The following DOCK1 variants were observed in gnomAD, a reference collection of about 807,000 sequenced individuals.
DOCK1 encodes the protein dedicator of cytokinesis 1, also known as dedicator of cytokinesis protein 1.
In DOCK1, 138 loss-of-function variants were observed where a neutral mutation model predicts 262.7. The ratio of observed to expected loss-of-function variants is 0.53; its 90% CI spans 0.46 to 0.61. DOCK1 has a LOEUF of 0.61. DOCK1 is among the 20% of genes least tolerant of loss of function. The probability of loss-of-function intolerance (pLI) is 0.00; values close to 1 mark genes in which losing one functional copy is unlikely to be tolerated. For synonymous variants in DOCK1, 866 were observed against 867.4 expected (o/e 1.00, Z 0.03); for missense variants, 1,908 against 2,370.7 (o/e 0.80, Z 4.05).
intron 31 of DOCK1, among the ~76,000 whole-genome samples, chr10:127,346,083 C>T (rs1235040386): frequency 1.3e-5 from 2 of 152,224 alleles, no homozygotes; most frequent in African/African-American, 4.8e-5. Flanking sequence ...TGTCCAGCGC[C>T]CGCTATTGGG....
chr10:127,008,493 G>A (rs7089749), intron 10 of DOCK1, among the ~76,000 whole-genome samples: 27,404 of 152,124 alleles, frequency 0.18, 2,771 homozygotes, highest in African/African-American at 0.28. Flanking sequence ...TGACAGTTGG[G>A]TAATAGGCAA....
intron 38 of DOCK1, among the ~76,000 whole-genome samples, chr10:127,395,290 C>G (rs1011274492): frequency 6.6e-6 from 1 of 152,134 alleles, no homozygotes; most frequent in Admixed American, 6.5e-5. Flanking sequence ...GGAGAGGGCC[C>G]TCTGCCTGCT....
chr10:127,299,328 T>A lies in DOCK1; in HGVS notation c.3045-39678T>A, dbSNP rs542847215. Among the ~76,000 whole-genome samples, 243 of 152,306 alleles carry A rather than the reference T, an allele frequency of 1.6e-3. 1 individual carries two copies. The highest frequency in any genetic ancestry group is 2.8e-3 in the Non-Finnish European group (191 of 68,026). On this transcript the variant is annotated intron_variant, in intron 29 of 51. Coordinates refer to ENST00000623213, the MANE Select transcript of DOCK1 (RefSeq NM_001290223.2). ...CATGTTGGCCAGGCTGGTATTGAAC[T>A]CCTGACCTCAGATGATCCACCTGCC... is the stretch of plus-strand genomic sequence containing the variant.
At chr10:127,286,325 T>A (rs2061151162) in intron 29 of DOCK1, among the ~76,000 whole-genome samples, 1 of 152,218 alleles carries the variant, frequency 6.6e-6, no homozygotes, top group Non-Finnish European at 1.5e-5. Flanking sequence ...TTGATTTCTT[T>A]CAGCACTTCA....
At chr10:127,368,803 G>A (rs897075671) in intron 33 of DOCK1, among the ~76,000 whole-genome samples, 5 of 151,960 alleles carry the variant, frequency 3.3e-5, no homozygotes, top group Admixed American at 1.3e-4. Context: ...ATAATAAAAA[G>A]CATACTTTTA....
Position 127,222,805 on chromosome 10 carries a change from A to G in DOCK1, c.2848-25203A>G, listed in dbSNP as rs146764944. ...TTTAGCCTCCCAAGTAGCTGGGACTACAAGCACTTGCCACTACGCCTGGCT... is the reference window on the plus strand; with the variant it reads ...TTTAGCCTCCCAAGTAGCTGGGACTGCAAGCACTTGCCACTACGCCTGGCT... On this transcript the variant is annotated intron_variant, in intron 27 of 51. Transcript: ENST00000623213. Among the ~76,000 whole-genome samples the G allele has an allele frequency of 3.8e-3, 358 of 95,310 alleles. 3 individuals are homozygous for G. The highest frequency in any genetic ancestry group is 0.011 in the African/African-American group (340 of 31,230). The allele number at this position is 95,310 out of a possible 152,430, so 62.5% of individuals were successfully genotyped here.
intron 2 of DOCK1, among the ~76,000 whole-genome samples, chr10:126,972,139 C>T (rs2038158571): frequency 6.6e-6 from 1 of 152,048 alleles, no homozygotes; most frequent in Non-Finnish European, 1.5e-5. Flanking sequence ...TGGTCTTGAA[C>T]TCCCAACCTC....
At chr10:127,034,063 A>G (rs927051497) in intron 18 of DOCK1, among the ~76,000 whole-genome samples, 2 of 152,178 alleles carry the variant, frequency 1.3e-5, no homozygotes, top group African/African-American at 4.8e-5. Context: ...GGATCTATGC[A>G]GCCGTGCAGT....
At chr10:127,230,147 T>C (rs2134548838) in intron 27 of DOCK1, among the ~76,000 whole-genome samples, 1 of 152,340 alleles carries the variant, frequency 6.6e-6, no homozygotes, top group South Asian at 2.1e-4. Flanking sequence ...CTGAGTTTTT[T>C]ATATATTTGA....
chr10:127,147,329 C>G (rs1020468807), intron 27 of DOCK1, among the ~76,000 whole-genome samples: 1 of 152,150 alleles, frequency 6.6e-6, no homozygotes, highest in Non-Finnish European at 1.5e-5. Context: ...CCAGTTGTTC[C>G]TAACGCCGTA....
At chr10:127,404,304 C>G in intron 39 of DOCK1, 21 bp from the exon 40 acceptor site, 1 of 1,602,344 alleles carries the variant, frequency 6.2e-7, no homozygotes, top group Non-Finnish European at 8.5e-7. Context: ...ACCTGAAATG[C>G]ATTTTCTTTT....
chr10:127,404,428 G>T lies in DOCK1; in HGVS notation c.4121G>T (p.Arg1374Leu). 6.2e-7 allele frequency: 1 copy of T among 1,612,766 alleles called. No individual in the cohort carries two copies. The highest frequency in any genetic ancestry group is 1.1e-5 in the South Asian group (1 of 90,608). ...GGACAAGGGTTCCCCACATTCCTGC[G>T]GGTAAAGTTTGGTTCTGCCTAATCT... is the stretch of plus-strand genomic sequence containing the variant. The part of the protein sequence containing the change: ...YYGQGFPTFL[R>L]GKVFIYRGKE... Residue 1374 changes from arginine (R) to leucine (L), a missense_variant and splice_region_variant, in exon 40 of 52, where the codon CGG (arginine) becomes CTG (leucine). Coordinates refer to ENST00000623213, the MANE Select transcript of DOCK1 (RefSeq NM_001290223.2).
At chr10:126,931,482 C>T (rs912077690) in intron 1 of DOCK1, among the ~76,000 whole-genome samples, 6 of 152,028 alleles carry the variant, frequency 3.9e-5, no homozygotes, top group East Asian at 1.9e-4. Flanking sequence ...TTCAGGAGCC[C>T]GAGCTGAGCT....
intron 1 of DOCK1, among the ~76,000 whole-genome samples, chr10:126,912,729 A>G (rs1341838476): frequency 8.6e-3 from 8 of 926 alleles, no homozygotes; most frequent in Non-Finnish European, 0.012. Context: ...CCATCTCGGA[A>G]AAAAAAAAAA....
chr10:126,987,107 T>G (rs984447607), intron 4 of DOCK1, among the ~76,000 whole-genome samples: 3 of 152,158 alleles, frequency 2.0e-5, no homozygotes, highest in African/African-American at 7.2e-5. Flanking sequence ...ATGGAAAATG[T>G]AAAAGTAATC....
At chr10:126,966,676 G>A (rs1029492097) in intron 1 of DOCK1, among the ~76,000 whole-genome samples, 4 of 152,184 alleles carry the variant, frequency 2.6e-5, no homozygotes, top group East Asian at 1.9e-4. Context: ...AGAGGTGATC[G>A]CAATACCTTT....
chr10:127,315,106 T>C (rs1012982378), intron 29 of DOCK1, among the ~76,000 whole-genome samples: 2 of 152,206 alleles, frequency 1.3e-5, no homozygotes, highest in Admixed American at 6.5e-5. Context: ...GCCAGCTCTT[T>C]CTTCCTAATG....
chr10:126,985,824 G>A (rs1189426262), intron 4 of DOCK1, among the ~76,000 whole-genome samples: 2 of 152,080 alleles, frequency 1.3e-5, no homozygotes, highest in African/African-American at 4.8e-5. Context: ...AGACACTGAT[G>A]GTGGCCCATG....
intron 28 of DOCK1, 31 bp downstream of exon 28, chr10:127,248,140 C>A (rs761625268): frequency 6.3e-7 from 1 of 1,592,666 alleles, no homozygotes; most frequent in South Asian, 1.1e-5. Flanking sequence ...GTTCACATAA[C>A]CATGTTTTAG....
Sources: gnomAD v4.1 joint callset for allele counts (sites outside exome capture counted in the v4.1 genomes callset) on GRCh38, gnomAD v4.1.1 for gene constraint, MANE v1.5 for transcripts, NCBI Gene and HGNC (gene_info 2026-07-23, HGNC 2026-07-21) for gene names.